The following SIPA1L1 variants were observed in gnomAD, a reference collection of about 807,000 sequenced individuals.
SIPA1L1 encodes the protein signal induced proliferation associated 1 like 1.
Under a neutral mutation model 162.7 loss-of-function variants are expected in SIPA1L1, and 26 were observed. The observed-to-expected ratio is 0.16, with a 90% CI of 0.12 to 0.22. The LOEUF is 0.22. Among genes scored for constraint, SIPA1L1 ranks in the 10% least tolerant of loss-of-function variants. The pLI, the probability that SIPA1L1 is intolerant of heterozygous loss-of-function variation, is 1.00. For synonymous variants in SIPA1L1, 829 were observed against 837.4 expected, an observed-to-expected ratio of 0.99 and a Z score of 0.17; for missense variants, 1,874 against 2,241.0, an observed-to-expected ratio of 0.84 and a Z score of 3.31.
intron 2 of SIPA1L1, among the ~76,000 whole-genome samples, chr14:71,489,782 G>T (rs370218788): frequency 7.2e-5 from 11 of 152,206 alleles, no homozygotes; most frequent in African/African-American, 1.7e-4. Context: ...GTGTTGTGCC[G>T]CATTCAAAGC....
At chr14:71,412,758 G>C (rs1049189839) in intron 2 of SIPA1L1, among the ~76,000 whole-genome samples, 1 of 152,092 alleles carries the variant, frequency 6.6e-6, no homozygotes, top group Non-Finnish European at 1.5e-5. Flanking sequence ...ACAGAGTTTG[G>C]CAATTACATA....
At chr14:71,710,717 A>G (rs1326315705) in intron 17 of SIPA1L1, among the ~76,000 whole-genome samples, 1 of 151,088 alleles carries the variant, frequency 6.6e-6, no homozygotes, top group South Asian at 2.1e-4. Flanking sequence ...CTGAGGCAGG[A>G]GAATCGCTTG....
chr14:71,545,789 T>G (rs1264557909), intron 4 of SIPA1L1, among the ~76,000 whole-genome samples: 2 of 152,126 alleles, frequency 1.3e-5, no homozygotes, highest in Non-Finnish European at 2.9e-5. Context: ...GAAAAAAGTA[T>G]TCATTGTTTC....
At chr14:71,542,628 CCTT>C (rs1442757350) in intron 4 of SIPA1L1, among the ~76,000 whole-genome samples, 25 of 116,194 alleles carry the variant, frequency 2.2e-4, no homozygotes, top group Non-Finnish European at 3.3e-4. Flanking sequence ...CTCCTCCTCC[CCTT>C]CTTCTTCCAC....
At chr14:71,426,640 C>T (rs1268079395) in intron 2 of SIPA1L1, among the ~76,000 whole-genome samples, 2 of 151,976 alleles carry the variant, frequency 1.3e-5, no homozygotes, top group Non-Finnish European at 2.9e-5. Context: ...CATGCGTGCA[C>T]CACCATGCCC....
chr14:71,618,087 A>G (rs1327789249), intron 5 of SIPA1L1, among the ~76,000 whole-genome samples: 2 of 152,226 alleles, frequency 1.3e-5, no homozygotes, highest in East Asian at 3.8e-4. Context: ...GCCTTAGGCA[A>G]AAGGCCAGAA....
chr14:71,634,384 A>C (rs1832192215), intron 7 of SIPA1L1, among the ~76,000 whole-genome samples: 1 of 151,004 alleles, frequency 6.6e-6, no homozygotes, highest in African/African-American at 2.4e-5. Flanking sequence ...CCTGGGTGAC[A>C]AGAACAAAAC....
chr14:71,530,649 T>C (rs1041256047), intron 4 of SIPA1L1, among the ~76,000 whole-genome samples: 1 of 152,182 alleles, frequency 6.6e-6, no homozygotes, highest in Non-Finnish European at 1.5e-5. Flanking sequence ...CAACACTCTA[T>C]AGAGAAATCG....
chr14:71,357,305 G>A (rs767335006), intron 2 of SIPA1L1, among the ~76,000 whole-genome samples: 6 of 152,078 alleles, frequency 3.9e-5, no homozygotes, highest in South Asian at 4.2e-4. Context: ...AAGGAACTTC[G>A]AAATCACATG....
chr14:71,460,358 G>A (rs550643274), intron 2 of SIPA1L1, among the ~76,000 whole-genome samples: 64 of 152,286 alleles, frequency 4.2e-4, no homozygotes, highest in African/African-American at 1.2e-3. Flanking sequence ...TCTGGATTGG[G>A]CGTTGTAGTT....
intron 5 of SIPA1L1, among the ~76,000 whole-genome samples, chr14:71,596,001 T>A (rs138777643): frequency 6.6e-6 from 1 of 152,200 alleles, no homozygotes; most frequent in Non-Finnish European, 1.5e-5. Context: ...CAGATAGTCC[T>A]TTATTCAATC....
intron 7 of SIPA1L1, among the ~76,000 whole-genome samples, chr14:71,647,831 G>A (rs1472644817): frequency 6.6e-6 from 1 of 152,114 alleles, no homozygotes; most frequent in Non-Finnish European, 1.5e-5. Flanking sequence ...GCCACATTCA[G>A]CCATTAGAAG....
chr14:71,604,199 A>G (rs1441923687), intron 5 of SIPA1L1, among the ~76,000 whole-genome samples: 3 of 151,608 alleles, frequency 2.0e-5, no homozygotes, highest in African/African-American at 7.3e-5. Flanking sequence ...AGGTTTCACC[A>G]TGTTGCCCTG....
At chr14:71,412,302 T>C (rs1027886954) in intron 2 of SIPA1L1, among the ~76,000 whole-genome samples, 4 of 152,230 alleles carry the variant, frequency 2.6e-5, no homozygotes, top group Admixed American at 6.5e-5. Context: ...TATGAGACTT[T>C]ATTGCAATTT....
intron 2 of SIPA1L1, among the ~76,000 whole-genome samples, chr14:71,475,449 G>A (rs1425696753): frequency 6.6e-6 from 1 of 152,078 alleles, no homozygotes; most frequent in Admixed American, 6.6e-5. Context: ...GATGGTGGTG[G>A]GGGATTAGGT....
At chr14:71,711,309 G>A (rs983559861) in intron 17 of SIPA1L1, among the ~76,000 whole-genome samples, 1 of 152,216 alleles carries the variant, frequency 6.6e-6, no homozygotes, top group African/African-American at 2.4e-5. Context: ...TAACCATATA[G>A]ACAGAATCAC....
chr14:71,374,311 A>G (rs1388778906), intron 2 of SIPA1L1, among the ~76,000 whole-genome samples: 1 of 152,100 alleles, frequency 6.6e-6, no homozygotes, highest in Non-Finnish European at 1.5e-5. Context: ...AGTAAGAGTT[A>G]ATTTTTTGTA....
chr14:71,554,931 T>A (rs1025363703), intron 4 of SIPA1L1, among the ~76,000 whole-genome samples: 39 of 152,144 alleles, frequency 2.6e-4, no homozygotes, highest in Admixed American at 4.6e-4. Context: ...AGGCTCTCGA[T>A]ACATATTCCT....
intron 5 of SIPA1L1, among the ~76,000 whole-genome samples, chr14:71,608,237 G>A (rs556198063): frequency 6.6e-6 from 1 of 152,298 alleles, no homozygotes; most frequent in African/African-American, 2.4e-5. Flanking sequence ...ATTTTGCTAA[G>A]TGTTTGGGAC....
Sources: allele counts gnomAD v4.1 joint callset (sites outside exome capture counted in the v4.1 genomes callset), GRCh38; gene constraint gnomAD v4.1.1; transcripts MANE v1.5; gene names NCBI Gene and HGNC (gene_info 2026-07-23, HGNC 2026-07-21).